Variants in EVC2 observed in about 807,000 individuals in gnomAD.
EVC2 encodes limbin.
A neutral mutation model predicts 149.3 loss-of-function variants in EVC2; 148 were observed. The observed-to-expected ratio is 0.99, with a 90% CI of 0.87 to 1.14. The LOEUF is 1.14. Among genes scored for constraint, EVC2 ranks in the 50% most tolerant of loss-of-function variants. The pLI is 0.00. For missense variants in EVC2, 1,854 were observed against 1,627.3 expected, an observed-to-expected ratio of 1.14 and a Z score of -2.40; for synonymous variants, 776 against 649.9, an observed-to-expected ratio of 1.19 and a Z score of -2.95.
At chr4:5,565,017 A>G (rs770552224) in intron 21 of EVC2, among the ~76,000 whole-genome samples, 1 of 152,248 alleles carries the variant, frequency 6.6e-6, no homozygotes, top group Admixed American at 6.5e-5. Context: ...GCCATTAGCT[A>G]AAATAAATAC....
chr4:5,593,927 C>G (rs141717706), intron 16 of EVC2, among the ~76,000 whole-genome samples: 3 of 152,244 alleles, frequency 2.0e-5, no homozygotes, highest in Non-Finnish European at 4.4e-5. Context: ...TATCCCCCAC[C>G]TGGCTTGGAG....
At position 5,663,583 on chromosome 4, in the gene EVC2, T is replaced by G. The variant is rs184629323; in HGVS notation, c.1006-337A>C. On this transcript the variant is annotated intron_variant, in intron 8 of 21. Transcript: ENST00000344408. ...CAGGTAGAGGAAACCTCAAAACAGGTATGATGGACCTTGACATCAGAGATC... is the reference window on the plus strand; with the variant it reads ...CAGGTAGAGGAAACCTCAAAACAGGGATGATGGACCTTGACATCAGAGATC... 3.2e-3 allele frequency among the ~76,000 whole-genome samples: 491 copies of G among 152,308 alleles called. 2 individuals are homozygous for G. Among genetic ancestry groups the G allele is most frequent in the African/African-American group, 0.011 (467 of 41,570 alleles).
At chr4:5,666,291 T>G (rs1324300854) in intron 7 of EVC2, among the ~76,000 whole-genome samples, 1 of 151,718 alleles carries the variant, frequency 6.6e-6, no homozygotes, top group Non-Finnish European at 1.5e-5. Context: ...TCCCAGCAAC[T>G]ACAAATTTTA....
In EVC2 at chr4:5,637,471, T is replaced by C. The variant is rs560327766; in HGVS notation, c.1470+3043A>G. Among the ~76,000 whole-genome samples, 1 of 152,256 alleles carries C rather than the reference T, an allele frequency of 6.6e-6. No homozygotes were observed. Among genetic ancestry groups the C allele is most frequent in the Middle Eastern group, 3.4e-3 (1 of 294 alleles). ...GCTAAAGAGAGTCAATGGGATGTGC[T>C]TGGAACAATGCCAGACACACCATGC... is the stretch of plus-strand genomic sequence containing the variant. On this transcript the variant is annotated intron_variant, in intron 10 of 21. Coordinates refer to ENST00000344408, the MANE Select transcript of EVC2 (RefSeq NM_147127.5). This position sits in a 1 kb window ranked among gnomAD's most constrained non-coding sequence, Gnocchi z 4.4.
intron 20 of EVC2, among the ~76,000 whole-genome samples, chr4:5,565,603 G>T (rs534521532): frequency 4.0e-5 from 6 of 151,604 alleles, no homozygotes; most frequent in African/African-American, 1.5e-4. Context: ...AACCCAGGAG[G>T]CGGAGGTTGC....
At chr4:5,690,122 T>A (rs868526230) in intron 4 of EVC2, among the ~76,000 whole-genome samples, 10 of 152,356 alleles carry the variant, frequency 6.6e-5, no homozygotes, top group South Asian at 6.2e-4. Flanking sequence ...GGTACATCTA[T>A]GTATACATGC....
At chr4:5,685,630 G>T in intron 5 of EVC2, 151 bp from the exon 6 acceptor site, 1 of 657,206 alleles carries the variant, frequency 1.5e-6, no homozygotes, top group Non-Finnish European at 2.7e-6. Context: ...GAAGCCCTTT[G>T]TATTGCACAC....
At position 5,567,882 on chromosome 4, in the gene EVC2, A is replaced by T. The variant is rs1279438387; in HGVS notation, c.3557+562T>A. ...AATGAATAACACTAGCAGGAAATAG[A>T]ATCTAAGTAATGGGATAAGAATTAC... is the stretch of plus-strand genomic sequence containing the variant. On this transcript the variant is annotated intron_variant, in intron 20 of 21. Coordinates refer to ENST00000344408, the MANE Select transcript of EVC2 (RefSeq NM_147127.5). The surrounding 1 kb of genome is among the most constrained non-coding windows in gnomAD (Gnocchi z 4.4). 6.6e-6 allele frequency among the ~76,000 whole-genome samples: 1 copy of T among 152,230 alleles called. No homozygotes were observed. Among genetic ancestry groups the T allele is most frequent in the East Asian group, 1.9e-4 (1 of 5,200 alleles).
intron 10 of EVC2, among the ~76,000 whole-genome samples, chr4:5,632,344 A>G (rs1342627992): frequency 2.0e-5 from 3 of 152,194 alleles, no homozygotes; most frequent in African/African-American, 7.2e-5. Context: ...ATACACACAC[A>G]GCAAAAACAA....
At chr4:5,652,282 G>A (rs999075984) in intron 9 of EVC2, among the ~76,000 whole-genome samples, 2 of 152,228 alleles carry the variant, frequency 1.3e-5, no homozygotes, top group African/African-American at 4.8e-5. Flanking sequence ...GAGGTGAGGA[G>A]AGGCTGCGTC....
At chr4:5,547,260 C>T (rs1468138680) in intron 21 of EVC2, among the ~76,000 whole-genome samples, 2 of 152,254 alleles carry the variant, frequency 1.3e-5, no homozygotes, top group Non-Finnish European at 2.9e-5. Flanking sequence ...GGACTTTGGA[C>T]ACCAATAAGC....
At chr4:5,591,596 G>T (rs1020919029) in intron 16 of EVC2, among the ~76,000 whole-genome samples, 2 of 152,196 alleles carry the variant, frequency 1.3e-5, no homozygotes, top group African/African-American at 4.8e-5. Context: ...ATAAATGTGG[G>T]TGAAGTGTAA....
intron 3 of EVC2, among the ~76,000 whole-genome samples, chr4:5,693,452 G>T (rs556049102): frequency 1.3e-5 from 2 of 152,338 alleles, no homozygotes; most frequent in South Asian, 2.1e-4. Flanking sequence ...GCCAAGAGCA[G>T]ATGGAGGGAG....
intron 6 of EVC2, among the ~76,000 whole-genome samples, chr4:5,685,144 G>A (rs1035590803): frequency 1.3e-5 from 2 of 152,188 alleles, no homozygotes; most frequent in Non-Finnish European, 2.9e-5. Context: ...AACCTCATGT[G>A]AGGCCCAGAG....
rs549930108 is a variant in EVC2, at chr4:5,615,201, C to T, written c.2829+221G>A. 9.2e-5 allele frequency among the ~76,000 whole-genome samples: 14 copies of T among 152,262 alleles called. 1 individual carries two copies. The South Asian group carries it at 2.7e-3, about 29-fold the overall frequency. On this transcript the variant is annotated intron_variant, in intron 16 of 21. Transcript: ENST00000344408. ...TGAAGGATCCGGTGAGATCCCCAGA[C>T]TGAGAAGTGGAGGGAGAGGGTTCCA...
At chr4:5,536,228 G>A in the EVC2 span, among the ~76,000 whole-genome samples, 1 of 151,900 alleles carries the variant, frequency 6.6e-6, no homozygotes, top group Non-Finnish European at 1.5e-5. Flanking sequence ...AAAAAATGTG[G>A]GTATTGACAC....
Position 5,691,332 on chromosome 4 carries a change from T to C in EVC2, c.452A>G (p.Tyr151Cys), listed in dbSNP as rs1560230289. The change falls in exon 4 of 22, where the codon TAT becomes TGT. Residue 151 changes from tyrosine (Y) to cysteine (C), a missense_variant and splice_region_variant. By Grantham distance (194) the Tyr-to-Cys change is radical. Coordinates refer to ENST00000344408, the MANE Select transcript of EVC2 (RefSeq NM_147127.5). The part of the protein sequence containing the change: ...KRESPITHRL[Y>C]GDISREVQGT... ...TTGAACTTCTCTTGAAATGTCCCCA[T>C]ACTACAATAAAATGTAAAAGTTATT... The C allele has an allele frequency of 1.2e-6, 2 of 1,610,926 alleles. No individual in the cohort carries two copies. The highest frequency in any genetic ancestry group is 8.5e-7 in the Non-Finnish European group (1 of 1,177,300).
intron 19 of EVC2, among the ~76,000 whole-genome samples, chr4:5,570,011 C>G (rs1296592396): frequency 6.6e-6 from 1 of 152,158 alleles, no homozygotes; most frequent in African/African-American, 2.4e-5. Context: ...CTCTCTGTCT[C>G]TCTCCAGCGC....
downstream of EVC2, among the ~76,000 whole-genome samples, chr4:5,542,278 C>T (rs959527849): frequency 1.3e-5 from 2 of 152,070 alleles, no homozygotes; most frequent in African/African-American, 4.8e-5. Flanking sequence ...GTGGTGAAAC[C>T]CCACCTCTAG....
Sources: gnomAD v4.1 joint callset for allele counts (sites outside exome capture counted in the v4.1 genomes callset) on GRCh38, gnomAD v4.1.1 for gene constraint, Gnocchi (gnomAD v3.1) non-coding constraint, MANE v1.5 for transcripts, NCBI Gene and HGNC (gene_info 2026-07-23, HGNC 2026-07-21) for gene names.